Variants in LRP1B observed in about 807,000 individuals in gnomAD.
LRP1B encodes the protein low-density lipoprotein receptor-related protein 1B.
Under a neutral mutation model 556.6 loss-of-function variants are expected in LRP1B, and 217 were observed. That is an observed-to-expected ratio of 0.39 (90% CI 0.35 to 0.44). The LOEUF (loss-of-function observed/expected upper bound fraction) is 0.44. Among genes scored for constraint, LRP1B ranks in the 20% least tolerant of loss-of-function variants. The pLI is 1.00. For missense variants in LRP1B, 5,053 were observed against 5,620.8 expected, an observed-to-expected ratio of 0.90 and a Z score of 3.23; for synonymous variants, 2,047 against 1,865.8, an observed-to-expected ratio of 1.10 and a Z score of -2.50.
chr2:142,084,684 G>A (rs889887007), intron 1 of LRP1B, among the ~76,000 whole-genome samples: 2 of 151,850 alleles, frequency 1.3e-5, no homozygotes, highest in African/African-American at 4.8e-5. Flanking sequence ...TAACATCTCC[G>A]TCCTTATCAT....
intron 41 of LRP1B, among the ~76,000 whole-genome samples, chr2:140,613,768 C>T (rs1683165439): frequency 6.6e-6 from 1 of 151,998 alleles, no homozygotes; most frequent in African/African-American, 2.4e-5. Context: ...ATGTGCCTGC[C>T]CCAGAAAAGT....
chr2:141,299,417 T>C (rs945322794), intron 3 of LRP1B, among the ~76,000 whole-genome samples: 4 of 152,224 alleles, frequency 2.6e-5, no homozygotes, highest in Non-Finnish European at 5.9e-5. Flanking sequence ...AACACAATGA[T>C]ACTACTTATT....
intron 31 of LRP1B, among the ~76,000 whole-genome samples, chr2:140,815,230 C>A (rs867573195): frequency 1.3e-5 from 2 of 151,880 alleles, no homozygotes; most frequent in Non-Finnish European, 2.9e-5. Flanking sequence ...TCAAATATAG[C>A]CTAATAATTC....
chr2:140,391,269 T>A (rs1234243957), intron 66 of LRP1B, among the ~76,000 whole-genome samples: 1 of 152,112 alleles, frequency 6.6e-6, no homozygotes, highest in Admixed American at 6.5e-5. Flanking sequence ...ATTATGCAAA[T>A]GAAAAAGTCA....
At chr2:140,323,092 A>C (rs555235124) in intron 81 of LRP1B, among the ~76,000 whole-genome samples, 2 of 152,156 alleles carry the variant, frequency 1.3e-5, no homozygotes, top group African/African-American at 2.4e-5. Flanking sequence ...ATCTTTCCAG[A>C]TAAATGCACC....
chr2:141,946,376 T>C (rs1463440287), intron 1 of LRP1B, among the ~76,000 whole-genome samples: 1 of 152,216 alleles, frequency 6.6e-6, no homozygotes, highest in Non-Finnish European at 1.5e-5. Flanking sequence ...AAAGTGCCTC[T>C]GTTGTTGTCT....
chr2:141,365,449 C>A lies in LRP1B; in HGVS notation c.344-110808G>T, dbSNP rs567455040. 8.9e-4 allele frequency among the ~76,000 whole-genome samples: 131 copies of A among 147,580 alleles called. 1 individual carries two copies. Among genetic ancestry groups the A allele is most frequent in the African/African-American group, 3.0e-3 (121 of 40,244 alleles). On this transcript the variant is annotated intron_variant, in intron 3 of 90. Transcript: ENST00000389484. The stretch of plus-strand genomic sequence containing the variant: ...AGTCCCATAAAGAATGAAACATGTT[C>A]TAATAATATATTCTAAAGGCTAGCT...
rs115371947 is a variant in LRP1B at position 141,535,128 on chromosome 2, A to G, written c.206-54595T>C. Among the ~76,000 whole-genome samples the G allele has an allele frequency of 3.4e-3, 515 of 152,006 alleles. 4 individuals are homozygous for G. Among genetic ancestry groups the G allele is most frequent in the African/African-American group, 0.012 (495 of 41,464 alleles). On this transcript the variant is annotated intron_variant, in intron 2 of 90. Transcript: ENST00000389484. Reference sequence around the variant, plus strand: ...CTTCTAACAATTATCTGACTGCTCTATTTTCTCATGCATCACTCTCCTTAG... The same window carrying G: ...CTTCTAACAATTATCTGACTGCTCTGTTTTCTCATGCATCACTCTCCTTAG...
intron 6 of LRP1B, among the ~76,000 whole-genome samples, chr2:141,207,311 C>T (rs1354792793): frequency 6.6e-6 from 1 of 152,104 alleles, no homozygotes; most frequent in African/African-American, 2.4e-5. Context: ...AAATTACAGA[C>T]TTTAAAATAA....
intron 79 of LRP1B, among the ~76,000 whole-genome samples, chr2:140,328,148 G>T (rs1439407124): frequency 6.6e-6 from 1 of 151,872 alleles, no homozygotes; most frequent in Non-Finnish European, 1.5e-5. Context: ...CAATTCTCAA[G>T]AAACTCATTT....
At chr2:141,147,105 T>A (rs1701804336) in intron 7 of LRP1B, among the ~76,000 whole-genome samples, 1 of 152,296 alleles carries the variant, frequency 6.6e-6, no homozygotes, top group Non-Finnish European at 1.5e-5. Flanking sequence ...CTGGGTCATA[T>A]TTTCTGGAAC....
intron 2 of LRP1B, among the ~76,000 whole-genome samples, chr2:141,669,889 G>A (rs960896138): frequency 6.6e-6 from 1 of 151,912 alleles, no homozygotes; most frequent in African/African-American, 2.4e-5. Context: ...TGAGTAGCTG[G>A]GATTACAGGC....
chr2:141,624,989 C>A (rs565059887), intron 2 of LRP1B, among the ~76,000 whole-genome samples: 1 of 151,954 alleles, frequency 6.6e-6, no homozygotes, highest in South Asian at 2.1e-4. Context: ...AGGATGGTCT[C>A]GATCTCCTGA....
At chr2:140,556,221 A>G (rs1680726674) in intron 43 of LRP1B, among the ~76,000 whole-genome samples, 2 of 152,050 alleles carry the variant, frequency 1.3e-5, no homozygotes, top group South Asian at 4.1e-4. Flanking sequence ...ACAAGCCATA[A>G]ATGAATTATC....
chr2:141,697,036 A>G (rs1691756452), intron 2 of LRP1B, among the ~76,000 whole-genome samples: 1 of 152,078 alleles, frequency 6.6e-6, no homozygotes, highest in South Asian at 2.1e-4. Context: ...AGTCATTTTT[A>G]TAAATAAGCA....
At chr2:141,151,244 A>G (rs1701916627) in intron 7 of LRP1B, among the ~76,000 whole-genome samples, 1 of 152,150 alleles carries the variant, frequency 6.6e-6, no homozygotes, top group African/African-American at 2.4e-5. Context: ...GCATGCTTTC[A>G]TGATCATTTA....
At chr2:140,322,247 T>G (rs1018218905) in intron 81 of LRP1B, among the ~76,000 whole-genome samples, 159 bp from the exon 82 acceptor site, 10 of 152,158 alleles carry the variant, frequency 6.6e-5, no homozygotes, top group African/African-American at 2.2e-4. Flanking sequence ...ATCATCATTC[T>G]CCTTTATAGG....
chr2:141,298,045 C>A (rs1176573393), intron 3 of LRP1B, among the ~76,000 whole-genome samples: 1 of 152,120 alleles, frequency 6.6e-6, no homozygotes, highest in African/African-American at 2.4e-5. Context: ...CAAAGCATGA[C>A]TATATGGTGA....
intron 7 of LRP1B, among the ~76,000 whole-genome samples, chr2:141,130,548 T>C (rs1367786577): frequency 6.6e-6 from 1 of 152,086 alleles, no homozygotes; most frequent in Non-Finnish European, 1.5e-5. Flanking sequence ...TTAAAAGATG[T>C]GTAAATTTTA....
Sources: gnomAD v4.1 joint callset for allele counts (sites outside exome capture counted in the v4.1 genomes callset) on GRCh38, gnomAD v4.1.1 for gene constraint, MANE v1.5 for transcripts, NCBI Gene and HGNC (gene_info 2026-07-23, HGNC 2026-07-21) for gene names.